Variants in NINL observed in about 807,000 individuals in gnomAD.
NINL encodes ninein like.
In NINL, 153 loss-of-function variants were observed where a neutral mutation model predicts 160.3. The ratio of observed to expected loss-of-function variants is 0.95; its 90% confidence interval spans 0.84 to 1.09. NINL has a LOEUF of 1.09. Among genes scored for constraint, NINL ranks in the 50% least tolerant of loss-of-function variants. The pLI is 0.00. For synonymous variants in NINL, 800 were observed against 734.8 expected (o/e 1.09, Z -1.43); for missense variants, 1,829 against 1,764.0 (o/e 1.04, Z -0.66).
chr20:25,496,838 C>A, intron 9 of NINL, 35 bp from the exon 10 acceptor site: 1 of 1,606,074 alleles, frequency 6.2e-7, no homozygotes, highest in Non-Finnish European at 8.5e-7. Flanking sequence ...AGATGGGACC[C>A]CACTGCTGGC....
chr20:25,567,153 T>C (rs1209765884), intron 1 of NINL, among the ~76,000 whole-genome samples: 3 of 152,146 alleles, frequency 2.0e-5, no homozygotes, highest in Non-Finnish European at 2.9e-5. Flanking sequence ...GGCTCATCAG[T>C]AGACTGCTCA....
chr20:25,471,353 T>C (rs1241495319), intron 17 of NINL, among the ~76,000 whole-genome samples: 1 of 152,114 alleles, frequency 6.6e-6, no homozygotes, highest in Non-Finnish European at 1.5e-5. Flanking sequence ...TTTTATCTCA[T>C]GAGGAACTAA....
chr20:25,575,779 G>A (rs952956768), intron 1 of NINL, among the ~76,000 whole-genome samples: 1 of 151,198 alleles, frequency 6.6e-6, no homozygotes, highest in Non-Finnish European at 1.5e-5. Flanking sequence ...AAAAAAACTT[G>A]TAAGAATAGT....
intron 8 of NINL, among the ~76,000 whole-genome samples, chr20:25,499,473 C>T (rs890948739): frequency 2.0e-5 from 3 of 152,198 alleles, no homozygotes; most frequent in Non-Finnish European, 2.9e-5. Flanking sequence ...AGCCAGCGCA[C>T]AGCAGCAGCC....
intron 1 of NINL, among the ~76,000 whole-genome samples, chr20:25,546,350 T>C (rs2064732192): frequency 6.6e-6 from 1 of 152,168 alleles, no homozygotes; most frequent in South Asian, 2.1e-4. Flanking sequence ...CAAGCTTTCG[T>C]GGGTAAGTGC....
At chr20:25,514,264 T>C (rs985119367) in intron 3 of NINL, among the ~76,000 whole-genome samples, 5 of 152,218 alleles carry the variant, frequency 3.3e-5, no homozygotes, top group Non-Finnish European at 7.3e-5. Flanking sequence ...GCTTGCACCC[T>C]CTGGAACAAG....
intron 13 of NINL, chr20:25,488,979 G>A: frequency 2.1e-6 from 1 of 483,504 alleles, no homozygotes; most frequent in South Asian, 2.8e-5. Flanking sequence ...ACGCATGGCA[G>A]GTTTGGCCCA....
chr20:25,555,800 A>AC (rs2064858537), intron 1 of NINL, among the ~76,000 whole-genome samples: 1 of 152,082 alleles, frequency 6.6e-6, no homozygotes, highest in African/African-American at 2.4e-5. Flanking sequence ...TCAGCCTCCC[A>AC]AGTACGTAGG....
intron 2 of NINL, among the ~76,000 whole-genome samples, chr20:25,519,868 G>A (rs907152328): frequency 1.3e-5 from 2 of 151,836 alleles, no homozygotes; most frequent in African/African-American, 4.8e-5. Context: ...GCCGGGCATG[G>A]CGGCATGTGC....
chr20:25,509,207 C>T (rs1015654937), intron 5 of NINL, among the ~76,000 whole-genome samples: 1 of 152,186 alleles, frequency 6.6e-6, no homozygotes, highest in African/African-American at 2.4e-5. Flanking sequence ...TGACTATCTT[C>T]AGCCGCCATG....
intron 8 of NINL, among the ~76,000 whole-genome samples, chr20:25,499,934 C>T (rs2063833425): frequency 9.8e-6 from 1 of 102,002 alleles, no homozygotes; most frequent in Non-Finnish European, 1.8e-5. Context: ...AACAGTATGA[C>T]ACCAATTTCG....
chr20:25,512,348 C>G (rs1367421790), intron 4 of NINL, among the ~76,000 whole-genome samples: 1 of 152,196 alleles, frequency 6.6e-6, no homozygotes, highest in Non-Finnish European at 1.5e-5. Context: ...GCTTCACTCC[C>G]ATGAAGCCAT....
chr20:25,573,275 C>T (rs1254982522), intron 1 of NINL, among the ~76,000 whole-genome samples: 2 of 148,638 alleles, frequency 1.3e-5, no homozygotes, highest in South Asian at 4.3e-4. Flanking sequence ...CCAGCCTGGG[C>T]GCCAAGAGCA....
intron 14 of NINL, 46 bp from the exon 15 acceptor site, chr20:25,480,313 G>C: frequency 6.6e-7 from 1 of 1,515,882 alleles, no homozygotes. Flanking sequence ...AGGATGCCAC[G>C]GGGGCCCCTT....
At chr20:25,458,609 C>A in intron 21 of NINL, 80 bp from the exon 22 acceptor site, 2 of 1,401,252 alleles carry the variant, frequency 1.4e-6, no homozygotes, top group Non-Finnish European at 1.9e-6. Flanking sequence ...CCAAGGACAC[C>A]CCCACCTGCA....
At chr20:25,544,475 CCTGA>C (rs1230199433) in intron 1 of NINL, among the ~76,000 whole-genome samples, 1 of 152,152 alleles carries the variant, frequency 6.6e-6, no homozygotes, top group East Asian at 1.9e-4. Flanking sequence ...CTGACTGTGA[CCTGA>C]CTATGCTGAA....
intron 12 of NINL, 125 bp from the exon 13 acceptor site, chr20:25,489,449 A>G (rs975989523): frequency 8.1e-6 from 6 of 744,524 alleles, no homozygotes; most frequent in Non-Finnish European, 1.4e-5. Context: ...ATCTCCAGGT[A>G]TAGCCGCCAT....
intron 14 of NINL, 47 bp from the exon 15 acceptor site, chr20:25,480,314 G>A (rs1418668341): frequency 2.0e-6 from 3 of 1,518,492 alleles, no homozygotes; most frequent in Non-Finnish European, 2.7e-6. Context: ...GGATGCCACG[G>A]GGGCCCCTTC....
At chr20:25,552,337 T>C (rs2064815250) in intron 1 of NINL, among the ~76,000 whole-genome samples, 1 of 152,038 alleles carries the variant, frequency 6.6e-6, no homozygotes, top group Non-Finnish European at 1.5e-5. Context: ...AGTTCAAGAC[T>C]AGCCTGAGCA....
Sources: gnomAD v4.1 joint callset for allele counts (sites outside exome capture counted in the v4.1 genomes callset) on GRCh38, gnomAD v4.1.1 for gene constraint, MANE v1.5 for transcripts, NCBI Gene and HGNC (gene_info 2026-07-23, HGNC 2026-07-21) for gene names.